Variants in INTS6L observed in about 807,000 individuals in gnomAD.
INTS6L encodes the protein integrator complex subunit 6-like.
INTS6L carries 18 observed loss-of-function variants against 64.7 expected under a neutral mutation model. The observed-to-expected ratio is 0.28, with a 90% CI of 0.19 to 0.41. The LOEUF (loss-of-function observed/expected upper bound fraction) is 0.41. Ranked by LOEUF, INTS6L falls within the 10% of genes least tolerant of loss-of-function variation. INTS6L has a pLI of 1.00. For synonymous variants in INTS6L, 227 were observed against 235.9 expected, an observed-to-expected ratio of 0.96 and a Z score of 0.34; for missense variants, 533 against 661.0, an observed-to-expected ratio of 0.81 and a Z score of 2.12.
intron 2 of INTS6L, among the ~76,000 whole-genome samples, chrX:135,541,027 C>T (rs1174913707): frequency 1.8e-5 from 2 of 111,836 alleles, no homozygotes; most frequent in East Asian, 2.8e-4. Context: ...AGCAATGTGC[C>T]GGCCTTGGCC....
chrX:135,527,928 A>G (rs1480148027), intron 2 of INTS6L, among the ~76,000 whole-genome samples: 2 of 110,792 alleles, frequency 1.8e-5, no homozygotes, highest in East Asian at 2.8e-4. Context: ...CTTTGGGAAG[A>G]TAATTATAAT....
chrX:135,561,392 C>T (rs73561615), intron 9 of INTS6L, among the ~76,000 whole-genome samples: 2,103 of 112,065 alleles, frequency 0.019, 51 homozygotes, highest in African/African-American at 0.063. Context: ...TTGGTCATGG[C>T]ATATAATTCT....
rs1269657754 is a variant in INTS6L, at chrX:135,551,898, T to C, written c.907-96T>C. ...GCTAGTCTGTATTTCAGTGAAAATG[T>C]AACAAAATATAAAACGACTTGCAGA... On this transcript the variant is annotated intron_variant, in intron 7 of 17. Coordinates refer to ENST00000639893, the MANE Select transcript of INTS6L (RefSeq NM_001351601.3). 9 of 812,503 alleles carry C rather than the reference T, an allele frequency of 1.1e-5. No individual in the cohort carries two copies. In the African/African-American group the frequency reaches 1.9e-4, roughly 17 times the overall value. The allele number at this position is 812,503 out of a possible 1,213,427, so 67.0% of individuals were successfully genotyped here. A position where few individuals can be genotyped will look rare whatever the true frequency, so the allele number is the denominator to read the frequency against.
intron 9 of INTS6L, among the ~76,000 whole-genome samples, chrX:135,567,816 A>C (rs1556525522): frequency 1.8e-5 from 2 of 112,116 alleles, no homozygotes; most frequent in Non-Finnish European, 3.8e-5. Flanking sequence ...TTAACAAAAG[A>C]CCTACATTTT....
At chrX:135,537,184 G>A (rs2086079510) in intron 2 of INTS6L, among the ~76,000 whole-genome samples, 1 of 111,837 alleles carries the variant, frequency 8.9e-6, no homozygotes, top group Admixed American at 9.5e-5. Context: ...CCTTCCTGTG[G>A]TGATGTAAGT....
chrX:135,539,300 C>T (rs1220885125), intron 2 of INTS6L, among the ~76,000 whole-genome samples: 2 of 112,389 alleles, frequency 1.8e-5, no homozygotes, highest in Admixed American at 1.9e-4. Context: ...TGCTGCTTCA[C>T]CTTGCACTTT....
intron 2 of INTS6L, among the ~76,000 whole-genome samples, chrX:135,523,028 C>T: frequency 8.9e-6 from 1 of 111,873 alleles, no homozygotes; most frequent in East Asian, 2.8e-4. Flanking sequence ...TGAAGACATG[C>T]TCCTTAATTC....
chrX:135,532,583 C>T (rs1302773856), intron 2 of INTS6L, among the ~76,000 whole-genome samples: 1 of 112,145 alleles, frequency 8.9e-6, no homozygotes, highest in Non-Finnish European at 1.9e-5. Flanking sequence ...TGTTCTTAAC[C>T]TGAGTCTGTT....
chrX:135,550,780 G>A (rs782406005), intron 7 of INTS6L, among the ~76,000 whole-genome samples: 4 of 111,330 alleles, frequency 3.6e-5, no homozygotes, highest in Admixed American at 9.5e-5. Flanking sequence ...GAGGGTAAAC[G>A]TCCCACTCCT....
Position 135,556,257 on chromosome X carries a change from CTT to C in INTS6L, c.1151_1152del (p.Phe384CysfsTer15). On this transcript the variant is annotated frameshift_variant, in exon 9 of 18. Coordinates refer to ENST00000639893, the MANE Select transcript of INTS6L (RefSeq NM_001351601.3). LOFTEE classifies it high-confidence loss of function. ...ASTTLTCVNL[F>X]VMPYNYPVLL... is the part of the protein sequence containing the mutation. ...GTACAACTTTAACTTGTGTAAACCT[CTT>C]TGTGATGCCTTACAACTACCCAGTT... The C allele has an allele frequency of 8.3e-7, 1 of 1,197,783 alleles. No homozygotes were observed.
intron 9 of INTS6L, among the ~76,000 whole-genome samples, chrX:135,568,469 T>TA (rs1175291378): frequency 4.0e-4 from 43 of 106,423 alleles, no homozygotes; most frequent in African/African-American, 4.4e-4. Flanking sequence ...ATCATGGAAA[T>TA]AAAAAAAAAA....
chrX:135,560,766 C>T (rs910065405), intron 9 of INTS6L, among the ~76,000 whole-genome samples: 1 of 108,413 alleles, frequency 9.2e-6, no homozygotes, highest in Non-Finnish European at 1.9e-5. Flanking sequence ...ATCACTCGAA[C>T]CCGGGAGGTG....
At chrX:135,560,392 G>GT (rs1210569814) in intron 9 of INTS6L, among the ~76,000 whole-genome samples, 2 of 112,009 alleles carry the variant, frequency 1.8e-5, no homozygotes, top group Non-Finnish European at 3.8e-5. Context: ...TTATCTTTAT[G>GT]TTTTTTCTTT....
chrX:135,571,683 G>A (rs1363199124), intron 11 of INTS6L: 1 of 111,574 alleles, frequency 9.0e-6, no homozygotes, highest in Admixed American at 9.5e-5. Context: ...AAATGTTTTG[G>A]TTTGGTTATT....
rs782723840 is a variant in INTS6L at position 135,582,388 on chromosome X, A to G, written c.*752A>G. On this transcript the variant is annotated 3_prime_UTR_variant, in exon 18 of 18. Transcript: ENST00000639893. The stretch of plus-strand genomic sequence containing the variant: ...TATGTGTATATTTCCTTTAATGTTT[A>G]TACAAAAGTTTATATGGAGCAGTAT... 8.0e-5 allele frequency: 9 copies of G among 112,664 alleles called. No individual in the cohort carries two copies. Among genetic ancestry groups the G allele is most frequent in the Non-Finnish European group, 1.7e-4 (9 of 53,329 alleles). The allele number at this position is 112,664 out of a possible 1,213,427, so 9.3% of individuals were successfully genotyped here. A position where few individuals can be genotyped will look rare whatever the true frequency, so the allele number is the denominator to read the frequency against.
intron 6 of INTS6L, 125 bp from the exon 7 acceptor site, chrX:135,549,517 A>G (rs1273001631): frequency 2.1e-5 from 17 of 803,858 alleles, no homozygotes; most frequent in Non-Finnish European, 2.7e-5. Flanking sequence ...TTCTTCTTCC[A>G]TTTTTCATGA....
intron 2 of INTS6L, among the ~76,000 whole-genome samples, chrX:135,523,177 G>A (rs1312282881): frequency 9.1e-6 from 1 of 110,190 alleles, no homozygotes; most frequent in African/African-American, 3.3e-5. Flanking sequence ...CTGAGCTCAG[G>A]AGTTTGAGAC....
At chrX:135,558,255 T>A (rs1418225676) in intron 9 of INTS6L, among the ~76,000 whole-genome samples, 1 of 111,616 alleles carries the variant, frequency 9.0e-6, no homozygotes, top group African/African-American at 3.3e-5. Context: ...CCTCAAAAAA[T>A]TAAAAATAAA....
At chrX:135,525,538 A>G (rs2085710597) in intron 2 of INTS6L, among the ~76,000 whole-genome samples, 1 of 112,336 alleles carries the variant, frequency 8.9e-6, no homozygotes. Flanking sequence ...TCCTGTAGCT[A>G]GCTTTGCTTA....
Sources: gnomAD v4.1 joint callset for allele counts (sites outside exome capture counted in the v4.1 genomes callset) on GRCh38, gnomAD v4.1.1 for gene constraint, MANE v1.5 for transcripts, NCBI Gene and HGNC (gene_info 2026-07-23, HGNC 2026-07-21) for gene names.